The following SMURF2 variants were observed in gnomAD, a reference collection of about 807,000 sequenced individuals.
SMURF2 encodes E3 ubiquitin-protein ligase SMURF2.
Under a neutral mutation model 109.6 loss-of-function variants are expected in SMURF2, and 48 were observed. That is an observed-to-expected ratio of 0.44 (90% CI 0.35 to 0.56). SMURF2 has a LOEUF of 0.56. Among genes scored for constraint, SMURF2 ranks in the 20% least tolerant of loss-of-function variants. The pLI, the probability that SMURF2 is intolerant of heterozygous loss-of-function variation, is 0.01. For synonymous variants in SMURF2, 288 were observed against 317.1 expected, an observed-to-expected ratio of 0.91 and a Z score of 0.97; for missense variants, 575 against 909.0, an observed-to-expected ratio of 0.63 and a Z score of 4.72.
At chr17:64,643,920 G>C (rs1446328619) in intron 1 of SMURF2, among the ~76,000 whole-genome samples, 1 of 151,826 alleles carries the variant, frequency 6.6e-6, no homozygotes, top group Non-Finnish European at 1.5e-5. Flanking sequence ...TCTGCCTCCT[G>C]GGTTCAGGCG....
rs536243058 is a variant in SMURF2, at chr17:64,543,703, T to C, written c.*2145A>G. On this transcript the variant is annotated 3_prime_UTR_variant, in exon 19 of 19. Transcript: ENST00000262435. ...ATAGTAGCATTTCATTATTACTGTA[T>C]CCCTGTCAGTTATGATTTCTGTATT... is the stretch of plus-strand genomic sequence containing the variant. 4.6e-5 allele frequency: 7 copies of C among 152,364 alleles called. No individual in the cohort carries two copies. The highest frequency in any genetic ancestry group is 3.9e-4 in the Admixed American group (6 of 15,300). The allele number at this position is 152,364 out of a possible 1,614,324, so 9.4% of individuals were successfully genotyped here. A position where few individuals can be genotyped will look rare whatever the true frequency, so the allele number is the denominator to read the frequency against.
chr17:64,641,795 T>C (rs1435771439), intron 1 of SMURF2, among the ~76,000 whole-genome samples: 1 of 152,094 alleles, frequency 6.6e-6, no homozygotes, highest in African/African-American at 2.4e-5. Flanking sequence ...TTAAGCCCCT[T>C]GCCAAATCCC....
rs1970786205 is a variant in SMURF2 at position 64,661,934 on chromosome 17, G to A, written c.-54C>T. 5 of 1,152,920 alleles carry A rather than the reference G, an allele frequency of 4.3e-6. No homozygotes were observed. The highest frequency in any genetic ancestry group is 1.6e-5 in the African/African-American group (1 of 61,146). 71.4% of individuals were successfully genotyped at this position (1,152,920 alleles called of 1,614,324 possible). On this transcript the variant is annotated 5_prime_UTR_variant, in exon 1 of 19. Coordinates refer to ENST00000262435, the MANE Select transcript of SMURF2 (RefSeq NM_022739.4). ...GCGGGCGGCACGGGGGCGACGGCGAGGCGCGGCGGAGTCACCACAGCGGCC... is the reference window on the plus strand; with the variant it reads ...GCGGGCGGCACGGGGGCGACGGCGAAGCGCGGCGGAGTCACCACAGCGGCC...
rs1555690664 is a variant in SMURF2 at position 64,621,903 on chromosome 17, A to AAATAAATAAT, written c.53-15264_53-15263insATTATTTATT. Among the ~76,000 whole-genome samples the AAATAAATAAT allele has an allele frequency of 4.1e-3, 581 of 141,802 alleles. 21 individuals carry two copies. Among genetic ancestry groups the AAATAAATAAT allele is most frequent in the Admixed American group, 0.04 (546 of 13,676 alleles). The allele number at this position is 141,802 out of a possible 152,430, so 93.0% of individuals were successfully genotyped here. A position where few individuals can be genotyped will look rare whatever the true frequency, so the allele number is the denominator to read the frequency against. On this transcript the variant is annotated intron_variant, in intron 1 of 18. Coordinates refer to ENST00000262435, the MANE Select transcript of SMURF2 (RefSeq NM_022739.4). ...AAAATAAATAAATAAATAAATAAATAAATAATAATAATAATAATAATAAAA... is the reference window on the plus strand; with the variant it reads ...AAAATAAATAAATAAATAAATAAATAAATAAATAATAATAATAATAATAATAATAATAAAA...
chr17:64,642,062 C>T (rs1465509159), intron 1 of SMURF2, among the ~76,000 whole-genome samples: 6 of 152,370 alleles, frequency 3.9e-5, no homozygotes, highest in African/African-American at 1.2e-4. Context: ...CCGACTCAGC[C>T]TCCCGAAGTG....
chr17:64,603,443 G>A (rs1251746015), intron 2 of SMURF2, among the ~76,000 whole-genome samples: 5 of 151,948 alleles, frequency 3.3e-5, no homozygotes, highest in Non-Finnish European at 7.4e-5. Flanking sequence ...TTAGCTGGGT[G>A]TGGTGGCACA....
rs539576312 is a variant in SMURF2 at position 64,601,382 on chromosome 17, G to A, written c.92-2892C>T. ...CAATCCCATCAAAAAGTGGGTTAAG[G>A]ACATCAATAGACAATTCTCAAAAAA... On this transcript the variant is annotated intron_variant, in intron 2 of 18. Coordinates refer to ENST00000262435, the MANE Select transcript of SMURF2 (RefSeq NM_022739.4). 5.3e-5 allele frequency among the ~76,000 whole-genome samples: 8 copies of A among 152,140 alleles called. No individual in the cohort carries two copies. In the South Asian group the frequency reaches 1.7e-3, roughly 32 times the overall value.
At chr17:64,592,814 T>C (rs1969768319) in intron 4 of SMURF2, among the ~76,000 whole-genome samples, 1 of 152,262 alleles carries the variant, frequency 6.6e-6, no homozygotes, top group Non-Finnish European at 1.5e-5. Context: ...CCACTTCTAA[T>C]GTCCTGATCT....
At chr17:64,551,441 T>C (rs1969044418) in intron 16 of SMURF2, 143 bp downstream of exon 16, 2 of 883,052 alleles carry the variant, frequency 2.3e-6, no homozygotes, top group Non-Finnish European at 3.4e-6. Flanking sequence ...ATGAAAGACT[T>C]TTCCTGTGAA....
rs1434686980 is a variant in SMURF2 at position 64,563,580 on chromosome 17, C to T, written c.1017-614G>A. On this transcript the variant is annotated intron_variant, in intron 10 of 18. Transcript: ENST00000262435. ...TGTATAATCTTATTTTTTAAATGAA[C>T]TTGGGTATATTTCATATCAGATACA... 2.6e-5 allele frequency among the ~76,000 whole-genome samples: 4 copies of T among 152,148 alleles called. No individual in the cohort carries two copies. The East Asian group carries it at 7.7e-4, about 29-fold the overall frequency.
rs1222809815 is a variant in SMURF2 at position 64,571,992 on chromosome 17, T to G, written c.858-36A>C. 9.6e-6 allele frequency: 15 copies of G among 1,570,302 alleles called. No individual in the cohort carries two copies. The East Asian group carries it at 1.4e-4, about 14-fold the overall frequency. On this transcript the variant is annotated intron_variant, in intron 9 of 18. Coordinates refer to ENST00000262435, the MANE Select transcript of SMURF2 (RefSeq NM_022739.4). ...AAATATAAAATAAAAAATACCTCAT[T>G]GCTCGCCCTGCTGAACCAAGCAAGT...
At chr17:64,605,329 T>C (rs1969953758) in intron 2 of SMURF2, among the ~76,000 whole-genome samples, 1 of 152,200 alleles carries the variant, frequency 6.6e-6, no homozygotes, top group Admixed American at 6.5e-5. Flanking sequence ...TTTATAACTA[T>C]ATAGTTTTAT....
chr17:64,581,555 C>T lies in SMURF2; in HGVS notation c.570-564G>A, dbSNP rs1180602405. Among the ~76,000 whole-genome samples the T allele has an allele frequency of 6.6e-6, 1 of 152,134 alleles. No homozygotes were observed. Among genetic ancestry groups the T allele is most frequent in the Non-Finnish European group, 1.5e-5 (1 of 68,026 alleles). ...AAAGTCACCCAGTCATTTGACAATACATCACAAAAGGAAAGAAGACAGTTT... is the reference window on the plus strand; with the variant it reads ...AAAGTCACCCAGTCATTTGACAATATATCACAAAAGGAAAGAAGACAGTTT... On this transcript the variant is annotated intron_variant, in intron 7 of 18. Coordinates refer to ENST00000262435, the MANE Select transcript of SMURF2 (RefSeq NM_022739.4). This position sits in a 1 kb window ranked among gnomAD's most constrained non-coding sequence, Gnocchi z 4.3.
chr17:64,583,533 C>A lies in SMURF2; in HGVS notation c.497G>T (p.Arg166Met). The A allele has an allele frequency of 6.2e-7, 1 of 1,613,648 alleles. No homozygotes were observed. The highest frequency in any genetic ancestry group is 1.1e-5 in the South Asian group (1 of 91,084). The stretch of plus-strand genomic sequence containing the variant: ...CTGGATTCTTCCAGAGGCGGTTCTC[C>A]TTTCTTCCCAGCTTAAATAAAAATA... ...DNDLPDGWEE[R>M]RTASGRIQYL... Residue 166 changes from arginine to methionine, a missense_variant, in exon 7 of 19, where the codon AGG (arginine) becomes ATG (methionine). Around this residue, in one of 5 missense-constraint regions of SMURF2, gnomAD observed 151 missense variants for 178.4 expected, o/e 0.85. Transcript: ENST00000262435.
chr17:64,575,088 G>A (rs1969469916), intron 9 of SMURF2, among the ~76,000 whole-genome samples: 1 of 148,218 alleles, frequency 6.7e-6, no homozygotes, highest in East Asian at 2.0e-4. Flanking sequence ...TAGGCCCTTG[G>A]ATTTTTTTTT....
rs1555683940 is a variant in SMURF2, at chr17:64,555,107, G to A, written c.1611-114C>T. On this transcript the variant is annotated intron_variant, in intron 14 of 18. Transcript: ENST00000262435. ...CATTTTATAATATAACAAATGTGAG[G>A]TCAGATTCTGCTTCCATACCACCTA... 4.9e-6 allele frequency: 5 copies of A among 1,023,682 alleles called. No homozygotes were observed. In the East Asian group the frequency reaches 1.1e-4, roughly 22 times the overall value. 63.4% of individuals were successfully genotyped at this position (1,023,682 alleles called of 1,614,324 possible).
intron 2 of SMURF2, among the ~76,000 whole-genome samples, chr17:64,604,545 G>A (rs1421045858): frequency 6.6e-6 from 1 of 152,056 alleles, no homozygotes; most frequent in African/African-American, 2.4e-5. Context: ...CTGTGTCTTG[G>A]GACTCGAGAG....
At position 64,561,585 on chromosome 17, in the gene SMURF2, T is replaced by C; in HGVS notation, c.1231A>G (p.Met411Val). ...CAGAGATCTTTTGGTCTCATTTTCA[T>C]GACCTGTCGATATGATTCCTGAAAA... The part of the protein sequence containing the change: ...EIFEESYRQV[M>V]KMRPKDLWKR... The change falls in exon 12 of 19, where the codon ATG becomes GTG. Residue 411 changes from methionine (M) to valine (V), a missense_variant. Met to Val is a conservative substitution (Grantham distance 21, BLOSUM62 1). This residue lies in a region of SMURF2 where 361 missense variants were observed against 612.1 expected (regional missense o/e 0.59). Transcript: ENST00000262435. 1 of 1,612,832 alleles carries C rather than the reference T, an allele frequency of 6.2e-7. No individual in the cohort carries two copies. Among genetic ancestry groups the C allele is most frequent in the Non-Finnish European group, 8.5e-7 (1 of 1,179,780 alleles).
In SMURF2 at chr17:64,598,368, T is replaced by C. The variant is rs1314440174; in HGVS notation, c.200+14A>G. On this transcript the variant is annotated intron_variant, in intron 3 of 18. Transcript: ENST00000262435. Reference sequence around the variant, plus strand: ...AATGATATGTTCCATTTCAAACTAATTGTTGAAACCTACAGGTCATAATGC... The same window carrying C: ...AATGATATGTTCCATTTCAAACTAACTGTTGAAACCTACAGGTCATAATGC... 1.9e-6 allele frequency: 3 copies of C among 1,539,036 alleles called. No individual in the cohort carries two copies. In the African/African-American group the frequency reaches 4.1e-5, roughly 21 times the overall value.
Sources: allele counts gnomAD v4.1 joint callset (sites outside exome capture counted in the v4.1 genomes callset), GRCh38; gene constraint gnomAD v4.1.1; regional missense constraint gnomAD v4.1.1; non-coding constraint Gnocchi (gnomAD v3.1); transcripts MANE v1.5; gene names NCBI Gene and HGNC (gene_info 2026-07-23, HGNC 2026-07-21).